The following TAF4B variants were observed in gnomAD, a reference collection of about 807,000 sequenced individuals.
The protein encoded by TAF4B is transcription initiation factor TFIID subunit 4B.
TAF4B carries 38 observed loss-of-function variants against 86.4 expected under a neutral mutation model. That is an observed-to-expected ratio of 0.44 (90% CI 0.34 to 0.58). TAF4B has a LOEUF of 0.58. Ranked by LOEUF, TAF4B falls within the 20% of genes least tolerant of loss-of-function variation. TAF4B has a pLI of 0.02. For missense variants in TAF4B, 988 were observed against 1,027.6 expected, an observed-to-expected ratio of 0.96 and a Z score of 0.53; for synonymous variants, 388 against 391.2, an observed-to-expected ratio of 0.99 and a Z score of 0.10.
intron 10 of TAF4B, among the ~76,000 whole-genome samples, chr18:26,319,217 AGCGGTGGC>A (rs1428683853): frequency 8.0e-5 from 12 of 149,696 alleles, no homozygotes; most frequent in Non-Finnish European, 1.5e-4. Flanking sequence ...ATAGGCCAGG[AGCGGTGGC>A]TTACACCTGT....
intron 10 of TAF4B, among the ~76,000 whole-genome samples, chr18:26,319,267 A>G (rs2056939437): frequency 6.6e-6 from 1 of 152,000 alleles, no homozygotes; most frequent in Admixed American, 6.6e-5. Context: ...TGAGGCGGGC[A>G]GATCACTTGA....
chr18:26,365,002 C>CTTTTTTT (rs1236686001), intron 14 of TAF4B, among the ~76,000 whole-genome samples: 22 of 109,222 alleles, frequency 2.0e-4, no homozygotes, highest in Non-Finnish European at 2.9e-4. Context: ...TAATTCTATT[C>CTTTTTTT]TTTTTTTTTT....
Position 26,227,043 on chromosome 18 carries a change from G to GCACT in TAF4B, c.112_115dup (p.Pro39HisfsTer10). 6.4e-7 allele frequency: 1 copy of GCACT among 1,563,384 alleles called. No individual in the cohort carries two copies. Among genetic ancestry groups the GCACT allele is most frequent in the South Asian group, 1.1e-5 (1 of 87,106 alleles). On this transcript the variant is annotated frameshift_variant, in exon 1 of 15. Transcript: ENST00000269142. Reference sequence around the variant, plus strand: ...GGGGCGCTGCCGGTGCGGGTGGAGAGCACTCCGGTGGCCCTGGGCGCCGTG... The same window carrying GCACT: ...GGGGCGCTGCCGGTGCGGGTGGAGAGCACTCACTCCGGTGGCCCTGGGCGCCGTG...
At chr18:26,358,688 C>G (rs1049192468) in intron 14 of TAF4B, among the ~76,000 whole-genome samples, 1 of 151,810 alleles carries the variant, frequency 6.6e-6, no homozygotes, top group African/African-American at 2.4e-5. Flanking sequence ...CCAGCCTGGG[C>G]GACAGAGCGA....
At chr18:26,359,855 T>G (rs1308155436) in intron 14 of TAF4B, among the ~76,000 whole-genome samples, 1 of 150,904 alleles carries the variant, frequency 6.6e-6, no homozygotes, top group East Asian at 2.0e-4. Flanking sequence ...GTAGCTGAGC[T>G]ACAGGCACAC....
At chr18:26,324,959 T>C (rs2056992425) in intron 11 of TAF4B, among the ~76,000 whole-genome samples, 1 of 152,236 alleles carries the variant, frequency 6.6e-6, no homozygotes, top group Non-Finnish European at 1.5e-5. Context: ...CTGTACAGTG[T>C]AGGAAATTCT....
Position 26,390,018 on chromosome 18 carries a change from C to G in TAF4B, c.*6C>G. The G allele has an allele frequency of 6.2e-7, 1 of 1,612,702 alleles. No homozygotes were observed. Among genetic ancestry groups the G allele is most frequent in the Non-Finnish European group, 8.5e-7 (1 of 1,179,374 alleles). On this transcript the variant is annotated 3_prime_UTR_variant, in exon 15 of 15. Transcript: ENST00000269142. ...ACCTGGCCCTTCTGAAGTGACCACTCCACTCTTCCATCCAGATCCTTGCTA... is the reference window on the plus strand; with the variant it reads ...ACCTGGCCCTTCTGAAGTGACCACTGCACTCTTCCATCCAGATCCTTGCTA...
chr18:26,338,409 ACTGGACTGAC>A (rs2057109844), intron 13 of TAF4B, among the ~76,000 whole-genome samples: 1 of 146,902 alleles, frequency 6.8e-6, no homozygotes, highest in Non-Finnish European at 1.5e-5. Flanking sequence ...ACATGGTGCC[ACTGGACTGAC>A]TCCAGCCTGG....
intron 11 of TAF4B, among the ~76,000 whole-genome samples, chr18:26,322,927 G>A (rs1287674897): frequency 1.3e-5 from 2 of 151,888 alleles, no homozygotes; most frequent in African/African-American, 4.8e-5. Flanking sequence ...GTTTTGGTAT[G>A]TTGTGTTGTC....
chr18:26,358,666 C>T (rs764208044), intron 14 of TAF4B, among the ~76,000 whole-genome samples: 9 of 152,074 alleles, frequency 5.9e-5, no homozygotes, highest in South Asian at 2.1e-4. Flanking sequence ...GCCAAGATCG[C>T]GCCACTGCAC....
At chr18:26,329,010 C>G (rs767705806) in intron 12 of TAF4B, among the ~76,000 whole-genome samples, 1 of 151,940 alleles carries the variant, frequency 6.6e-6, no homozygotes, top group African/African-American at 2.4e-5. Flanking sequence ...TCCTCTCTTC[C>G]TCCCTTTCTT....
chr18:26,278,005 A>G (rs900126051), intron 5 of TAF4B, among the ~76,000 whole-genome samples: 1 of 152,180 alleles, frequency 6.6e-6, no homozygotes, highest in African/African-American at 2.4e-5. Flanking sequence ...TGTTTTCTTT[A>G]CTGTTAGTGG....
chr18:26,340,021 C>T (rs549475338), intron 13 of TAF4B, among the ~76,000 whole-genome samples: 3 of 152,258 alleles, frequency 2.0e-5, no homozygotes, highest in Admixed American at 6.5e-5. Context: ...TCAAGACCTC[C>T]TGGTATATTT....
intron 3 of TAF4B, among the ~76,000 whole-genome samples, chr18:26,270,937 A>C (rs528462889): frequency 6.6e-6 from 1 of 152,222 alleles, no homozygotes; most frequent in African/African-American, 2.4e-5. Context: ...TAAAATGCTC[A>C]TGTTAATCTG....
intron 14 of TAF4B, among the ~76,000 whole-genome samples, chr18:26,375,132 C>T (rs1464800185): frequency 6.6e-6 from 1 of 152,158 alleles, no homozygotes; most frequent in Non-Finnish European, 1.5e-5. Flanking sequence ...TGTAAGGATT[C>T]ACCTATTCTA....
intron 1 of TAF4B, among the ~76,000 whole-genome samples, chr18:26,233,086 TAAG>T (rs756078843): frequency 6.6e-6 from 1 of 152,130 alleles, no homozygotes; most frequent in African/African-American, 2.4e-5. Context: ...AAGTTCCACA[TAAG>T]AAGAATATGG....
At chr18:26,372,495 A>G (rs1421384787) in intron 14 of TAF4B, among the ~76,000 whole-genome samples, 1 of 152,180 alleles carries the variant, frequency 6.6e-6, no homozygotes, top group African/African-American at 2.4e-5. Flanking sequence ...AGTAAAGACC[A>G]TCAGAATCAG....
intron 1 of TAF4B, among the ~76,000 whole-genome samples, chr18:26,229,130 A>ATG (rs1311091988): frequency 6.6e-6 from 1 of 152,166 alleles, no homozygotes; most frequent in Non-Finnish European, 1.5e-5. Flanking sequence ...CTTTTATTTT[A>ATG]TATACCAAGG....
chr18:26,338,492 T>TTTTG (rs1348995661), intron 13 of TAF4B, among the ~76,000 whole-genome samples: 6 of 148,210 alleles, frequency 4.0e-5, no homozygotes, highest in African/African-American at 1.5e-4. Flanking sequence ...TTTTTTTTTT[T>TTTTG]TGGGAGACGG....
Sources: gnomAD v4.1 joint callset for allele counts (sites outside exome capture counted in the v4.1 genomes callset) on GRCh38, gnomAD v4.1.1 for gene constraint, MANE v1.5 for transcripts, NCBI Gene and HGNC (gene_info 2026-07-23, HGNC 2026-07-21) for gene names.